The following ZBTB16 variants were observed in gnomAD, a reference collection of about 807,000 sequenced individuals.
The protein encoded by ZBTB16 is zinc finger and BTB domain-containing protein 16.
Under a neutral mutation model 56.8 loss-of-function variants are expected in ZBTB16, and 8 were observed. The ratio of observed to expected loss-of-function variants is 0.14; its 90% CI spans 0.08 to 0.25. The LOEUF (loss-of-function observed/expected upper bound fraction) is 0.25. ZBTB16 is among the 10% of genes least tolerant of loss of function. The pLI, the probability that ZBTB16 is intolerant of heterozygous loss-of-function variation, is 1.00. For missense variants in ZBTB16, 625 were observed against 903.0 expected, an observed-to-expected ratio of 0.69 and a Z score of 3.95; for synonymous variants, 363 against 368.5, an observed-to-expected ratio of 0.98 and a Z score of 0.17.
At chr11:114,150,992 T>C (rs995003070) in intron 2 of ZBTB16, among the ~76,000 whole-genome samples, 1 of 152,128 alleles carries the variant, frequency 6.6e-6, no homozygotes, top group Admixed American at 6.5e-5. Flanking sequence ...TTGGAGAGTG[T>C]TGGTTCTCAT....
intron 4 of ZBTB16, among the ~76,000 whole-genome samples, chr11:114,194,676 A>G (rs1376347183): frequency 1.3e-5 from 2 of 152,242 alleles, no homozygotes; most frequent in Non-Finnish European, 2.9e-5. Flanking sequence ...TCATTTACAC[A>G]TCAGAATTTT....
chr11:114,131,969 C>T (rs537441420), intron 2 of ZBTB16, among the ~76,000 whole-genome samples: 1 of 151,928 alleles, frequency 6.6e-6, no homozygotes, highest in African/African-American at 2.4e-5. Context: ...AGTTCACATA[C>T]CAAAAAAGCC....
intron 2 of ZBTB16, among the ~76,000 whole-genome samples, chr11:114,126,914 C>T (rs991189058): frequency 1.3e-5 from 2 of 152,192 alleles, no homozygotes; most frequent in African/African-American, 4.8e-5. Flanking sequence ...ATCAGCTTGT[C>T]ATGTTCCTTG....
At chr11:114,125,550 C>T (rs939351818) in intron 2 of ZBTB16, among the ~76,000 whole-genome samples, 1 of 151,994 alleles carries the variant, frequency 6.6e-6, no homozygotes, top group African/African-American at 2.4e-5. Flanking sequence ...TTTTGTCTTT[C>T]CTTGTAGGAC....
intron 2 of ZBTB16, among the ~76,000 whole-genome samples, chr11:114,096,496 T>C (rs1940414147): frequency 1.3e-5 from 2 of 152,352 alleles, no homozygotes; most frequent in South Asian, 4.1e-4. Flanking sequence ...ATGTGCTGCC[T>C]CGTACAGTAA....
intron 2 of ZBTB16, among the ~76,000 whole-genome samples, chr11:114,081,677 T>C (rs1939766085): frequency 6.6e-6 from 1 of 152,112 alleles, no homozygotes; most frequent in Non-Finnish European, 1.5e-5. Context: ...TTTTGATACA[T>C]GTTGGGAGCC....
At chr11:114,067,870 G>A (rs977407890) in intron 2 of ZBTB16, among the ~76,000 whole-genome samples, 33 of 151,988 alleles carry the variant, frequency 2.2e-4, no homozygotes, top group Non-Finnish European at 4.7e-4. Flanking sequence ...ACAGCCCCTC[G>A]GGTCCCAGCT....
At chr11:114,137,666 AAGTTACCTGCCTACTCTATTAC>A (rs927061180) in intron 2 of ZBTB16, among the ~76,000 whole-genome samples, 7 of 152,104 alleles carry the variant, frequency 4.6e-5, no homozygotes, top group African/African-American at 1.7e-4. Flanking sequence ...AAGGGAGATG[AAGTTACCTGCCTACTCTATTAC>A]AGTTTATTTC....
chr11:114,077,916 A>G (rs1185452898), intron 2 of ZBTB16, among the ~76,000 whole-genome samples: 1 of 152,228 alleles, frequency 6.6e-6, no homozygotes, highest in Non-Finnish European at 1.5e-5. Flanking sequence ...AGCCCCACTG[A>G]TAACCCCTGT....
intron 2 of ZBTB16, among the ~76,000 whole-genome samples, chr11:114,069,709 T>C (rs948658902): frequency 2.0e-5 from 3 of 152,230 alleles, no homozygotes; most frequent in Non-Finnish European, 2.9e-5. Context: ...TCAAACTAAA[T>C]TCTGTTTGGA....
chr11:114,062,565 G>A (rs1202040883), intron 1 of ZBTB16, among the ~76,000 whole-genome samples: 2 of 152,210 alleles, frequency 1.3e-5, no homozygotes, highest in African/African-American at 4.8e-5. Context: ...GACAGGCCTT[G>A]GGTCTGCCAG....
At chr11:114,142,117 T>C (rs1941965900) in intron 2 of ZBTB16, among the ~76,000 whole-genome samples, 1 of 152,148 alleles carries the variant, frequency 6.6e-6, no homozygotes, top group African/African-American at 2.4e-5. Context: ...AAATGCTCAG[T>C]GTGATGTTGT....
At chr11:114,073,879 C>A (rs1439005138) in intron 2 of ZBTB16, among the ~76,000 whole-genome samples, 1 of 152,178 alleles carries the variant, frequency 6.6e-6, no homozygotes. Context: ...TAAACCACCA[C>A]CACCAGGCTT....
intron 2 of ZBTB16, among the ~76,000 whole-genome samples, chr11:114,135,241 G>C (rs1833694787): frequency 6.6e-6 from 1 of 152,202 alleles, no homozygotes; most frequent in Non-Finnish European, 1.5e-5. Flanking sequence ...GGCAGCTTGT[G>C]GCTGCCATGA....
At chr11:114,083,444 C>G (rs1939847170) in intron 2 of ZBTB16, among the ~76,000 whole-genome samples, 1 of 152,216 alleles carries the variant, frequency 6.6e-6, no homozygotes, top group Non-Finnish European at 1.5e-5. Context: ...GCCCACTTGT[C>G]TCACGTCCCA....
chr11:114,241,506 C>T (rs1944702173), intron 4 of ZBTB16, among the ~76,000 whole-genome samples: 1 of 152,216 alleles, frequency 6.6e-6, no homozygotes, highest in African/African-American at 2.4e-5. Flanking sequence ...AGGCTGCACA[C>T]TCCTTATGAG....
At position 114,247,240 on chromosome 11, in the gene ZBTB16, G is replaced by A. The variant is rs763464695; in HGVS notation, c.1667G>A (p.Arg556Gln). The change falls in exon 6 of 7, where the codon CGG becomes CAG. Residue 556 changes from arginine (R) to glutamine (Q), a missense_variant. By Grantham distance (43) the Arg-to-Gln change is conservative (BLOSUM62 1). Transcript: ENST00000335953. ...YECEFCGSCF[R>Q]DESTLKSHKR... Reference sequence around the variant, plus strand: ...TGTGAGTTCTGTGGCAGCTGCTTCCGGGATGAGAGCACACTCAAGAGCCAC... The same window carrying A: ...TGTGAGTTCTGTGGCAGCTGCTTCCAGGATGAGAGCACACTCAAGAGCCAC... The A allele has an allele frequency of 4.3e-6, 7 of 1,614,242 alleles. No homozygotes were observed. The highest frequency in any genetic ancestry group is 5.9e-6 in the Non-Finnish European group (7 of 1,180,046).
chr11:114,209,342 C>T lies in ZBTB16; in HGVS notation c.1453+22304C>T, dbSNP rs545488526. The T allele has an allele frequency of 3.3e-5, 32 of 978,886 alleles. 1 individual carries two copies. Among genetic ancestry groups the T allele is most frequent in the African/African-American group, 1.9e-4 (11 of 57,144 alleles). 60.6% of individuals were successfully genotyped at this position (978,886 alleles called of 1,614,324 possible). A position where few individuals can be genotyped will look rare whatever the true frequency, so the allele number is the denominator to read the frequency against. The stretch of plus-strand genomic sequence containing the variant: ...TGTGTATGTAGGCTGTTACTAATCC[C>T]GTTCCTTTCTTGATCTACTGTTTTT... On this transcript the variant is annotated intron_variant, in intron 4 of 6. Coordinates refer to ENST00000335953, the MANE Select transcript of ZBTB16 (RefSeq NM_006006.6).
intron 2 of ZBTB16, among the ~76,000 whole-genome samples, chr11:114,069,682 G>T (rs1023999812): frequency 6.6e-6 from 1 of 152,182 alleles, no homozygotes; most frequent in Non-Finnish European, 1.5e-5. Flanking sequence ...TCATCATCCC[G>T]TCCAGAACCT....
Sources: gnomAD v4.1 joint callset for allele counts (sites outside exome capture counted in the v4.1 genomes callset) on GRCh38, gnomAD v4.1.1 for gene constraint, MANE v1.5 for transcripts, NCBI Gene and HGNC (gene_info 2026-07-23, HGNC 2026-07-21) for gene names.